PLA2G4A: variants seen among roughly 807,000 people sequenced by gnomAD.
The protein encoded by PLA2G4A is cytosolic phospholipase A2.
PLA2G4A carries 40 observed loss-of-function variants against 81.9 expected under a neutral mutation model. The ratio of observed to expected loss-of-function variants is 0.49; its 90% CI spans 0.38 to 0.64. The LOEUF is 0.64. Ranked by LOEUF, PLA2G4A falls within the 30% of genes least tolerant of loss-of-function variation. The probability of loss-of-function intolerance (pLI) is 0.00; values close to 1 mark genes in which losing one functional copy is unlikely to be tolerated. For synonymous variants in PLA2G4A, 302 were observed against 296.9 expected, an observed-to-expected ratio of 1.02 and a Z score of -0.18; for missense variants, 715 against 905.1, an observed-to-expected ratio of 0.79 and a Z score of 2.69.
In PLA2G4A at chr1:186,892,934, C is replaced by T. The variant is rs567381320; in HGVS notation, c.116-77C>T. ...TACAGATTCATTGAGAATAAACTGA[C>T]AACATATATTAATAAAAAAATTAGG... On this transcript the variant is annotated intron_variant, in intron 3 of 17. Transcript: ENST00000367466. The T allele has an allele frequency of 1.6e-4, 160 of 999,544 alleles. 1 individual carries two copies. Among genetic ancestry groups the T allele is most frequent in the Non-Finnish European group, 2.4e-4 (147 of 625,456 alleles). The allele number at this position is 999,544 out of a possible 1,614,324, so 61.9% of individuals were successfully genotyped here.
chr1:186,838,409 A>G (rs931359918), intron 1 of PLA2G4A, among the ~76,000 whole-genome samples: 2 of 152,256 alleles, frequency 1.3e-5, no homozygotes, highest in African/African-American at 4.8e-5. Context: ...ACAAAAATTC[A>G]TAAAAATGAA....
At chr1:186,962,132 TTAA>T (rs1656967812) in intron 14 of PLA2G4A, among the ~76,000 whole-genome samples, 1 of 151,810 alleles carries the variant, frequency 6.6e-6, no homozygotes, top group African/African-American at 2.4e-5. Context: ...TTTTTTCTAC[TTAA>T]TAATGGCCCC....
intron 7 of PLA2G4A, among the ~76,000 whole-genome samples, chr1:186,916,729 T>C (rs1269792970): frequency 6.6e-6 from 1 of 152,178 alleles, no homozygotes; most frequent in East Asian, 1.9e-4. Context: ...AGTGTCATTA[T>C]ATAAACATGT....
intron 6 of PLA2G4A, among the ~76,000 whole-genome samples, chr1:186,909,015 C>G (rs1174234361): frequency 1.4e-5 from 2 of 140,606 alleles, no homozygotes; most frequent in East Asian, 4.1e-4. Context: ...GCCCTGTCAC[C>G]CAGGCTGGAG....
intron 3 of PLA2G4A, among the ~76,000 whole-genome samples, chr1:186,875,667 G>A (rs10798064): frequency 0.021 from 3,255 of 152,080 alleles, 118 homozygotes; most frequent in African/African-American, 0.065. Flanking sequence ...GTGATTGTGT[G>A]ATATTTGACT....
intron 3 of PLA2G4A, among the ~76,000 whole-genome samples, chr1:186,892,601 C>T (rs1654184928): frequency 6.6e-6 from 1 of 152,142 alleles, no homozygotes. Context: ...AATGAGTTCA[C>T]AGTAGGTCTG....
chr1:186,952,344 G>T (rs2223909), intron 13 of PLA2G4A, among the ~76,000 whole-genome samples: 145,856 of 152,272 alleles, frequency 0.96, 69,902 homozygotes, highest in East Asian at 1. Context: ...AGCATGATAT[G>T]TAGTATGTGG....
At chr1:186,909,948 AT>A (rs1654884054) in intron 6 of PLA2G4A, among the ~76,000 whole-genome samples, 2 of 152,158 alleles carry the variant, frequency 1.3e-5, no homozygotes, top group Admixed American at 6.5e-5. Context: ...ACAAACTTAT[AT>A]TCCCAAAATG....
intron 15 of PLA2G4A, among the ~76,000 whole-genome samples, chr1:186,973,575 A>G (rs191619854): frequency 5.3e-5 from 8 of 152,274 alleles, no homozygotes; most frequent in Admixed American, 4.6e-4. Flanking sequence ...TGAGAATCAG[A>G]TGTTTTGTGA....
chr1:186,970,062 C>T (rs1181892970), intron 15 of PLA2G4A, among the ~76,000 whole-genome samples: 1 of 151,954 alleles, frequency 6.6e-6, no homozygotes, highest in Non-Finnish European at 1.5e-5. Context: ...TCCACATCCT[C>T]ATCAACACTT....
chr1:186,965,690 A>G, intron 15 of PLA2G4A, 97 bp downstream of exon 15: 1 of 879,906 alleles, frequency 1.1e-6, no homozygotes, highest in Non-Finnish European at 1.9e-6. Flanking sequence ...TTATTCCTTT[A>G]ATGTATTTTC....
chr1:186,848,673 C>T (rs1299865035), intron 1 of PLA2G4A, among the ~76,000 whole-genome samples: 3 of 151,922 alleles, frequency 2.0e-5, no homozygotes, highest in African/African-American at 7.2e-5. Context: ...TGCCATGAGT[C>T]ATGTTTGTTT....
chr1:186,942,744 G>GA (rs1195789129), intron 10 of PLA2G4A, among the ~76,000 whole-genome samples: 1 of 152,084 alleles, frequency 6.6e-6, no homozygotes. Flanking sequence ...CTTTTAGACT[G>GA]AAAAAATGCT....
intron 14 of PLA2G4A, among the ~76,000 whole-genome samples, chr1:186,958,243 A>G (rs552311005): frequency 6.6e-6 from 1 of 152,370 alleles, no homozygotes; most frequent in African/African-American, 2.4e-5. Flanking sequence ...ACTATGTTAT[A>G]TAGCATATTA....
At chr1:186,961,670 A>G (rs551681231) in intron 14 of PLA2G4A, among the ~76,000 whole-genome samples, 1 of 152,332 alleles carries the variant, frequency 6.6e-6, no homozygotes, top group South Asian at 2.1e-4. Flanking sequence ...TTTACTGATG[A>G]TAAGGGGCAA....
In PLA2G4A at chr1:186,939,115, C is replaced by A; in HGVS notation, c.803C>A (p.Thr268Lys). The change falls in exon 9 of 18, where the codon ACA becomes AAA. Residue 268 changes from threonine (T) to lysine (K), a missense_variant. Coordinates refer to ENST00000367466, the MANE Select transcript of PLA2G4A (RefSeq NM_024420.3). The stretch of plus-strand genomic sequence containing the variant: ...AGCCACAATCCCCTTTTACTTCTCA[C>A]ACCACAGAAAGTTAAAAGATATGTT... The part of the protein sequence containing the change: ...NVSHNPLLLL[T>K]PQKVKRYVES... The A allele has an allele frequency of 6.2e-7, 1 of 1,606,480 alleles. No individual in the cohort carries two copies. The highest frequency in any genetic ancestry group is 8.5e-7 in the Non-Finnish European group (1 of 1,173,262).
intron 13 of PLA2G4A, among the ~76,000 whole-genome samples, chr1:186,953,393 G>A (rs1486154874): frequency 6.6e-6 from 1 of 152,064 alleles, no homozygotes; most frequent in African/African-American, 2.4e-5. Flanking sequence ...TCAGGCCTTT[G>A]GCCCATTTTT....
intron 15 of PLA2G4A, among the ~76,000 whole-genome samples, chr1:186,975,773 G>A (rs1391871393): frequency 6.6e-6 from 1 of 152,134 alleles, no homozygotes; most frequent in African/African-American, 2.4e-5. Flanking sequence ...TTTGTTTCTT[G>A]TTGAGCTGTG....
At chr1:186,926,906 C>A (rs985422478) in intron 7 of PLA2G4A, among the ~76,000 whole-genome samples, 21 of 152,164 alleles carry the variant, frequency 1.4e-4, no homozygotes, top group Non-Finnish European at 2.9e-5. Context: ...TGGCATAACA[C>A]TCGTGGTCAA....
Sources: allele counts gnomAD v4.1 joint callset (sites outside exome capture counted in the v4.1 genomes callset), GRCh38; gene constraint gnomAD v4.1.1; transcripts MANE v1.5; gene names NCBI Gene and HGNC (gene_info 2026-07-23, HGNC 2026-07-21).